CPED1: variants seen among roughly 807,000 people sequenced by gnomAD.
CPED1 encodes the protein cadherin like and PC-esterase domain containing 1.
In CPED1, 114 loss-of-function variants were observed where a neutral mutation model predicts 128.2. The observed-to-expected ratio is 0.89, with a 90% CI of 0.76 to 1.04. The LOEUF (loss-of-function observed/expected upper bound fraction) is 1.04. Among genes scored for constraint, CPED1 ranks in the 50% least tolerant of loss-of-function variants. CPED1 has a pLI of 0.00. For missense variants in CPED1, 1,211 were observed against 1,207.1 expected, an observed-to-expected ratio of 1.00 and a Z score of -0.05; for synonymous variants, 462 against 426.7, an observed-to-expected ratio of 1.08 and a Z score of -1.02.
chr7:121,100,241 A>C (rs1027351589), intron 7 of CPED1, 147 bp downstream of exon 7: 5 of 708,558 alleles, frequency 7.1e-6, no homozygotes, highest in Non-Finnish European at 1.2e-5. Context: ...AAAGATTTTC[A>C]CTTAATAGGT....
chr7:121,268,768 G>A (rs2536149), intron 21 of CPED1, among the ~76,000 whole-genome samples: 18,671 of 151,776 alleles, frequency 0.12, 1,305 homozygotes, highest in South Asian at 0.26. Flanking sequence ...AATCCCTGCT[G>A]CTTCTACTTG....
At chr7:121,038,856 T>C (rs541950897) in intron 3 of CPED1, among the ~76,000 whole-genome samples, 2 of 152,146 alleles carry the variant, frequency 1.3e-5, no homozygotes, top group East Asian at 1.9e-4. Flanking sequence ...ACTAGAGTTA[T>C]GGTTTGAAGG....
chr7:120,994,406 C>T (rs547963118), intron 2 of CPED1, among the ~76,000 whole-genome samples: 2 of 152,106 alleles, frequency 1.3e-5, no homozygotes, highest in African/African-American at 4.8e-5. Flanking sequence ...TTATGAGATA[C>T]AAGTTATATA....
At chr7:121,188,014 G>A (rs1048638900) in intron 16 of CPED1, among the ~76,000 whole-genome samples, 7 of 152,052 alleles carry the variant, frequency 4.6e-5, no homozygotes, top group Non-Finnish European at 5.9e-5. Context: ...TAAACAATAA[G>A]AGTAATTTAA....
At chr7:121,264,687 A>G (rs1198963697) in intron 18 of CPED1, among the ~76,000 whole-genome samples, 2 of 152,060 alleles carry the variant, frequency 1.3e-5, no homozygotes, top group African/African-American at 4.8e-5. Context: ...CAATGATGGC[A>G]ATGCCTGCCA....
chr7:121,040,304 C>G (rs905231481), intron 3 of CPED1, among the ~76,000 whole-genome samples: 8 of 152,078 alleles, frequency 5.3e-5, no homozygotes, highest in Non-Finnish European at 1.0e-4. Flanking sequence ...TAAACATCTA[C>G]TAAGTGTCTA....
intron 16 of CPED1, among the ~76,000 whole-genome samples, chr7:121,234,817 A>G (rs1798217683): frequency 6.6e-6 from 1 of 152,084 alleles, no homozygotes; most frequent in South Asian, 2.1e-4. Flanking sequence ...ACACACGTAC[A>G]CGTGTGTATT....
intron 7 of CPED1, among the ~76,000 whole-genome samples, chr7:121,113,367 C>G (rs1031777961): frequency 6.6e-6 from 1 of 152,100 alleles, no homozygotes; most frequent in African/African-American, 2.4e-5. Flanking sequence ...GAATGCAAGG[C>G]ATGACTCAGA....
chr7:121,230,756 G>C (rs2116649507), intron 16 of CPED1, among the ~76,000 whole-genome samples: 1 of 152,142 alleles, frequency 6.6e-6, no homozygotes, highest in South Asian at 2.1e-4. Flanking sequence ...GCAATTCTCT[G>C]CAAGTTTATA....
In CPED1 at chr7:121,244,184, T is replaced by C; in HGVS notation, c.2174-18T>C. 3.1e-6 allele frequency: 5 copies of C among 1,614,108 alleles called. No individual in the cohort carries two copies. The highest frequency in any genetic ancestry group is 4.2e-6 in the Non-Finnish European group (5 of 1,179,994). ...CCAGCAGAAACAGAACCAAAGAAAG[T>C]TTTGCCATCTATTCCAGGCCAGTGG... On this transcript the variant is annotated intron_variant, in intron 17 of 22. Transcript: ENST00000310396.
chr7:121,146,152 C>G (rs1227327430), intron 16 of CPED1, among the ~76,000 whole-genome samples: 2 of 152,070 alleles, frequency 1.3e-5, no homozygotes, highest in Non-Finnish European at 2.9e-5. Flanking sequence ...AGTCCAAAAT[C>G]AAAGCACCGG....
chr7:121,047,949 G>A (rs1354797997), intron 4 of CPED1, among the ~76,000 whole-genome samples: 2 of 151,836 alleles, frequency 1.3e-5, no homozygotes, highest in Non-Finnish European at 2.9e-5. Flanking sequence ...TTCGCGATCC[G>A]CCCGCTTCGG....
chr7:121,142,546 A>C (rs1290505031), intron 16 of CPED1, among the ~76,000 whole-genome samples: 4 of 152,080 alleles, frequency 2.6e-5, no homozygotes, highest in Non-Finnish European at 5.9e-5. Flanking sequence ...AAATTTATGA[A>C]GCTATTTTAC....
chr7:121,060,621 G>A (rs1221657761), intron 4 of CPED1, among the ~76,000 whole-genome samples: 1 of 152,170 alleles, frequency 6.6e-6, no homozygotes, highest in Non-Finnish European at 1.5e-5. Flanking sequence ...AATCTGGTGG[G>A]GAGGTGGAGA....
At chr7:121,055,632 C>T (rs1424988965) in intron 4 of CPED1, among the ~76,000 whole-genome samples, 2 of 150,560 alleles carry the variant, frequency 1.3e-5, no homozygotes, top group Non-Finnish European at 1.5e-5. Flanking sequence ...TATAATTATA[C>T]ATTCATATAG....
intron 7 of CPED1, among the ~76,000 whole-genome samples, chr7:121,120,982 A>AAAAAC (rs1563033641): frequency 5.5e-4 from 83 of 150,072 alleles, no homozygotes; most frequent in African/African-American, 1.8e-3. Context: ...AAAAAAAAAA[A>AAAAAC]AAAAACAAAA....
chr7:121,074,168 AGTGTAGAGCTCATGGG>A (rs1794062276), intron 5 of CPED1, among the ~76,000 whole-genome samples: 1 of 152,090 alleles, frequency 6.6e-6, no homozygotes, highest in African/African-American at 2.4e-5. Context: ...ATGCCTTCAA[AGTGTAGAGCTCATGGG>A]GTTCTGTGTG....
chr7:121,090,351 T>A (rs1251843758), intron 5 of CPED1, among the ~76,000 whole-genome samples: 1 of 152,200 alleles, frequency 6.6e-6, no homozygotes, highest in Non-Finnish European at 1.5e-5. Context: ...AAAGTGAAAG[T>A]TACTGTTTTT....
At chr7:121,223,052 T>C (rs1253059723) in intron 16 of CPED1, among the ~76,000 whole-genome samples, 1 of 152,202 alleles carries the variant, frequency 6.6e-6, no homozygotes, top group African/African-American at 2.4e-5. Context: ...AAGGGAATGC[T>C]TCCAGTTTTT....
Sources: allele counts gnomAD v4.1 joint callset (sites outside exome capture counted in the v4.1 genomes callset), GRCh38; gene constraint gnomAD v4.1.1; transcripts MANE v1.5; gene names NCBI Gene and HGNC (gene_info 2026-07-23, HGNC 2026-07-21).